Variants in DPP6 observed in about 807,000 individuals in gnomAD.
DPP6 encodes A-type potassium channel modulatory protein DPP6.
Under a neutral mutation model 122.6 loss-of-function variants are expected in DPP6, and 69 were observed. The observed-to-expected ratio is 0.56, with a 90% CI of 0.46 to 0.69. DPP6 has a LOEUF of 0.69. Ranked by LOEUF, DPP6 falls within the 30% of genes least tolerant of loss-of-function variation. The pLI is 0.00. For missense variants in DPP6, 928 were observed against 1,116.9 expected, an observed-to-expected ratio of 0.83 and a Z score of 2.41; for synonymous variants, 418 against 433.1, an observed-to-expected ratio of 0.97 and a Z score of 0.43.
At chr7:153,833,293 C>T in the DPP6 span, among the ~76,000 whole-genome samples, 8 of 152,186 alleles carry the variant, frequency 5.3e-5, no homozygotes, top group Admixed American at 1.3e-4. Context: ...TCATGTCATA[C>T]GCAATCTAAA....
intron 3 of DPP6, among the ~76,000 whole-genome samples, chr7:154,535,294 T>C (rs997564378): frequency 2.6e-5 from 4 of 152,058 alleles, no homozygotes; most frequent in African/African-American, 4.8e-5. Flanking sequence ...AGATAAAATC[T>C]TTGTGACATT....
chr7:154,427,055 A>G (rs1817978505), intron 1 of DPP6, among the ~76,000 whole-genome samples: 1 of 152,176 alleles, frequency 6.6e-6, no homozygotes, highest in Non-Finnish European at 1.5e-5. Flanking sequence ...GAGCGTGTCT[A>G]TGCACACAGA....
intron 1 of DPP6, among the ~76,000 whole-genome samples, chr7:154,228,428 G>A (rs1177582551): frequency 1.3e-5 from 2 of 152,142 alleles, no homozygotes; most frequent in Admixed American, 1.3e-4. Context: ...AGGGATAAAA[G>A]TAGCTGACAC....
intron 1 of DPP6, among the ~76,000 whole-genome samples, chr7:154,239,992 T>TAAAAA (rs763543397): frequency 2.0e-5 from 1 of 50,398 alleles, no homozygotes; most frequent in Non-Finnish European, 3.9e-5. Flanking sequence ...ATGCTGTCTT[T>TAAAAA]AAAAAAAAAA....
At chr7:154,263,220 C>G (rs1803152248) in intron 1 of DPP6, among the ~76,000 whole-genome samples, 1 of 152,132 alleles carries the variant, frequency 6.6e-6, no homozygotes, top group African/African-American at 2.4e-5. Flanking sequence ...AGGGGAAAGA[C>G]TCAACAGAAA....
At chr7:154,609,857 G>T (rs1271116412) in intron 5 of DPP6, among the ~76,000 whole-genome samples, 2 of 152,108 alleles carry the variant, frequency 1.3e-5, no homozygotes, top group Non-Finnish European at 2.9e-5. Flanking sequence ...TGCCTTTTCT[G>T]GAATAAATCT....
At chr7:154,648,021 C>T (rs370193334) in intron 6 of DPP6, among the ~76,000 whole-genome samples, 7 of 151,346 alleles carry the variant, frequency 4.6e-5, no homozygotes, top group East Asian at 3.9e-4. Context: ...GGGACCGAGG[C>T]GGGCAGATCA....
At chr7:154,876,238 T>G in intron 20 of DPP6, 138 bp downstream of exon 20, 75 of 1,303,252 alleles carry the variant, frequency 5.8e-5, no homozygotes, top group Non-Finnish European at 6.7e-5. Flanking sequence ...CTAAAATCTC[T>G]TGGCCATTCC....
At chr7:154,374,237 G>A (rs1812919677) in intron 1 of DPP6, among the ~76,000 whole-genome samples, 1 of 152,162 alleles carries the variant, frequency 6.6e-6, no homozygotes, top group South Asian at 2.1e-4. Flanking sequence ...ATGTTTACGA[G>A]ATTAGGACAG....
intron 4 of DPP6, among the ~76,000 whole-genome samples, chr7:154,564,330 A>G (rs1830605176): frequency 6.6e-6 from 1 of 152,200 alleles, no homozygotes; most frequent in South Asian, 2.1e-4. Flanking sequence ...GATAAAATCA[A>G]CATTGTCTAA....
At chr7:154,187,136 T>C (rs1798389141) in intron 1 of DPP6, among the ~76,000 whole-genome samples, 1 of 152,222 alleles carries the variant, frequency 6.6e-6, no homozygotes, top group South Asian at 2.1e-4. Context: ...ATGGTAAGCA[T>C]AGAATTTCAA....
At chr7:154,851,437 A>T (rs1490706673) in intron 16 of DPP6, among the ~76,000 whole-genome samples, 1 of 152,248 alleles carries the variant, frequency 6.6e-6, no homozygotes, top group African/African-American at 2.4e-5. Context: ...TTCACCCTGA[A>T]ATGTGCAGAG....
intron 1 of DPP6, among the ~76,000 whole-genome samples, chr7:154,310,051 G>A (rs1806730872): frequency 2.6e-5 from 4 of 151,948 alleles, no homozygotes; most frequent in Admixed American, 2.6e-4. Flanking sequence ...AGACAGGATG[G>A]AGTTTGGCTG....
chr7:154,761,095 G>A (rs6955107), intron 8 of DPP6, among the ~76,000 whole-genome samples: 25,337 of 151,992 alleles, frequency 0.17, 2,125 homozygotes, highest in East Asian at 0.2. Flanking sequence ...TTGGCCTCCC[G>A]AAGTGCTGAG....
At chr7:153,984,084 AC>A (rs1796724708) in intron 1 of DPP6, among the ~76,000 whole-genome samples, 1 of 151,538 alleles carries the variant, frequency 6.6e-6, no homozygotes, top group Non-Finnish European at 1.5e-5. Context: ...ACACACACAC[AC>A]ACACACACAC....
intron 1 of DPP6, among the ~76,000 whole-genome samples, chr7:154,418,580 G>C (rs1350380173): frequency 6.6e-6 from 1 of 152,116 alleles, no homozygotes; most frequent in Non-Finnish European, 1.5e-5. Flanking sequence ...AAATGTACCT[G>C]AAACACAGCT....
chr7:154,495,054 T>C (rs911785148), intron 3 of DPP6, among the ~76,000 whole-genome samples: 14 of 152,224 alleles, frequency 9.2e-5, no homozygotes, highest in African/African-American at 3.4e-4. Context: ...GACATTGCCA[T>C]GTAGAGGCGT....
At chr7:154,503,372 AT>A (rs1268309181) in intron 3 of DPP6, among the ~76,000 whole-genome samples, 1 of 152,172 alleles carries the variant, frequency 6.6e-6, no homozygotes, top group East Asian at 1.9e-4. Flanking sequence ...CCCAGGTTCC[AT>A]GCTTACTACC....
chr7:154,365,112 A>C (rs1360005008), intron 1 of DPP6, among the ~76,000 whole-genome samples: 6 of 152,158 alleles, frequency 3.9e-5, no homozygotes, highest in Non-Finnish European at 8.8e-5. Flanking sequence ...GTCAGGCTGA[A>C]AGGAAGCAGC....
Sources: gnomAD v4.1 joint callset for allele counts (sites outside exome capture counted in the v4.1 genomes callset) on GRCh38, gnomAD v4.1.1 for gene constraint, MANE v1.5 for transcripts, NCBI Gene and HGNC (gene_info 2026-07-23, HGNC 2026-07-21) for gene names.